ADAMTSL1: variants seen among roughly 807,000 people sequenced by gnomAD.
The protein encoded by ADAMTSL1 is ADAMTS-like protein 1.
ADAMTSL1 carries 126 observed loss-of-function variants against 201.8 expected under a neutral mutation model. The observed-to-expected ratio is 0.62, with a 90% CI of 0.54 to 0.72. The LOEUF (loss-of-function observed/expected upper bound fraction) is 0.72, where lower values mean the gene tolerates loss of function less well. Among genes scored for constraint, ADAMTSL1 ranks in the 30% least tolerant of loss-of-function variants. ADAMTSL1 has a pLI of 0.00. For missense variants in ADAMTSL1, 2,679 were observed against 2,277.8 expected, an observed-to-expected ratio of 1.18 and a Z score of -3.59; for synonymous variants, 1,121 against 903.4, an observed-to-expected ratio of 1.24 and a Z score of -4.32.
intron 2 of ADAMTSL1, among the ~76,000 whole-genome samples, chr9:18,240,696 AG>A (rs1261067711): frequency 1.3e-5 from 2 of 152,212 alleles, no homozygotes; most frequent in African/African-American, 4.8e-5. Context: ...AGTACTCCAG[AG>A]GGAGTACTCC....
intron 2 of ADAMTSL1, among the ~76,000 whole-genome samples, chr9:18,429,396 G>A (rs965824606): frequency 3.9e-5 from 6 of 152,086 alleles, no homozygotes; most frequent in African/African-American, 7.2e-5. Flanking sequence ...AAAATGCTTC[G>A]GAGTCTCTGT....
intron 4 of ADAMTSL1, among the ~76,000 whole-genome samples, chr9:18,613,697 A>T (rs1277600832): frequency 6.6e-6 from 1 of 152,140 alleles, no homozygotes; most frequent in Non-Finnish European, 1.5e-5. Context: ...ACATGAAGAC[A>T]AAAAGGGGAA....
At chr9:18,463,978 C>T (rs768654624) in intron 2 of ADAMTSL1, among the ~76,000 whole-genome samples, 53 of 152,186 alleles carry the variant, frequency 3.5e-4, no homozygotes, top group Non-Finnish European at 6.8e-4. Context: ...TCATTAGACT[C>T]CTATTATGTG....
intron 2 of ADAMTSL1, among the ~76,000 whole-genome samples, chr9:18,224,007 T>C (rs62551346): frequency 0.033 from 4,991 of 152,246 alleles, 178 homozygotes; most frequent in Admixed American, 0.11. Flanking sequence ...CAGAGAAGTA[T>C]AAGTAAAAGC....
chr9:18,248,738 T>TG (rs796794755), intron 2 of ADAMTSL1, among the ~76,000 whole-genome samples: 24 of 152,316 alleles, frequency 1.6e-4, no homozygotes, highest in African/African-American at 5.8e-4. Flanking sequence ...TTGGTCTGTG[T>TG]GCCTTGTCAC....
intron 26 of ADAMTSL1, among the ~76,000 whole-genome samples, chr9:18,893,690 T>C (rs1264217760): frequency 6.6e-6 from 1 of 152,226 alleles, no homozygotes; most frequent in Non-Finnish European, 1.5e-5. Context: ...ACAATCCTGT[T>C]GATGTTTTTC....
At position 18,659,274 on chromosome 9, in the gene ADAMTSL1, G is replaced by A. The variant is rs1448607371; in HGVS notation, c.946+1524G>A. On this transcript the variant is annotated intron_variant, in intron 8 of 28. Transcript: ENST00000380548. Reference sequence around the variant, plus strand: ...TATGATGTAATTCATCTTTACCTATGTTGTTTCTATCTACACAATGTAAAC... The same window carrying A: ...TATGATGTAATTCATCTTTACCTATATTGTTTCTATCTACACAATGTAAAC... Among the ~76,000 whole-genome samples, 5 of 152,072 alleles carry A rather than the reference G, an allele frequency of 3.3e-5. No homozygotes were observed. The South Asian group carries it at 8.3e-4, about 25-fold the overall frequency.
rs145081358 is a variant in ADAMTSL1 at position 18,120,171 on chromosome 9, C to A, written c.88-43691C>A. Among the ~76,000 whole-genome samples the A allele has an allele frequency of 9.7e-4, 147 of 152,266 alleles. 1 individual carries two copies. The East Asian group carries it at 0.02, about 21-fold the overall frequency. ...GAAAACTTGACTGGGCCACAGGATA[C>A]CCTTCCAAGTTCACTCACATGGTCA... On this transcript the variant is annotated intron_variant, in intron 1 of 29. Transcript: ENST00000680146.
At chr9:18,154,156 G>A (rs117832560) in intron 1 of ADAMTSL1, among the ~76,000 whole-genome samples, 14 of 152,100 alleles carry the variant, frequency 9.2e-5, no homozygotes, top group East Asian at 1.9e-4. Context: ...GAAAGCAAAC[G>A]TGGGTTATGA....
At chr9:18,395,578 G>A (rs1260174983) in intron 2 of ADAMTSL1, among the ~76,000 whole-genome samples, 1 of 152,162 alleles carries the variant, frequency 6.6e-6, no homozygotes, top group Non-Finnish European at 1.5e-5. Context: ...AAAATTCAAT[G>A]AATGAATGGT....
chr9:18,889,753 G>T lies in ADAMTSL1; in HGVS notation c.4643+5G>T, dbSNP rs1446282429. The T allele has an allele frequency of 2.0e-6, 3 of 1,483,764 alleles. No individual in the cohort carries two copies. Among genetic ancestry groups the T allele is most frequent in the Non-Finnish European group, 2.7e-6 (3 of 1,119,506 alleles). The allele number at this position is 1,483,764 out of a possible 1,614,324, so 91.9% of individuals were successfully genotyped here. A position where few individuals can be genotyped will look rare whatever the true frequency, so the allele number is the denominator to read the frequency against. ...CCGGAGAGACTGCCCTTCTCGGTGA[G>T]TGCAGCGGACACTGGCTCAGACCTC... is the stretch of plus-strand genomic sequence containing the variant. On this transcript the variant is annotated splice_donor_5th_base_variant and intron_variant, in intron 25 of 28. Coordinates refer to ENST00000380548, the MANE Select transcript of ADAMTSL1 (RefSeq NM_001040272.6).
intron 1 of ADAMTSL1, among the ~76,000 whole-genome samples, chr9:17,951,342 A>G (rs1827721006): frequency 6.6e-6 from 1 of 152,160 alleles, no homozygotes; most frequent in African/African-American, 2.4e-5. Flanking sequence ...CGGAGTGTCC[A>G]TGTAGAAGTG....
At chr9:18,614,892 T>A (rs1027076689) in intron 4 of ADAMTSL1, among the ~76,000 whole-genome samples, 2 of 152,166 alleles carry the variant, frequency 1.3e-5, no homozygotes, top group African/African-American at 4.8e-5. Context: ...CCCTTTATTT[T>A]TTTTTTCCTA....
intron 1 of ADAMTSL1, among the ~76,000 whole-genome samples, chr9:18,094,064 C>T (rs925961264): frequency 3.9e-5 from 6 of 152,130 alleles, no homozygotes; most frequent in African/African-American, 1.4e-4. Context: ...GACCAGTTTT[C>T]GTTGAGTAAT....
intron 14 of ADAMTSL1, among the ~76,000 whole-genome samples, chr9:18,712,009 T>C (rs1396027041): frequency 3.9e-5 from 6 of 152,018 alleles, no homozygotes; most frequent in Admixed American, 3.3e-4. Context: ...CACGGCCGGG[T>C]ACTCCAACAG....
intron 13 of ADAMTSL1, among the ~76,000 whole-genome samples, chr9:18,685,924 ATT>A (rs571372281): frequency 4.8e-5 from 7 of 145,254 alleles, no homozygotes; most frequent in African/African-American, 1.5e-4. Flanking sequence ...TTTTTTCCCT[ATT>A]TTTTTTTTTT....
intron 1 of ADAMTSL1, among the ~76,000 whole-genome samples, chr9:18,101,707 C>T (rs759456167): frequency 1.4e-4 from 21 of 151,902 alleles, no homozygotes; most frequent in Non-Finnish European, 2.9e-4. Flanking sequence ...GATAAGGCAC[C>T]GTAGATAATT....
At chr9:18,434,191 T>G (rs1199603230) in intron 2 of ADAMTSL1, among the ~76,000 whole-genome samples, 1 of 152,190 alleles carries the variant, frequency 6.6e-6, no homozygotes, top group Non-Finnish European at 1.5e-5. Flanking sequence ...TAGAAGTTTT[T>G]AAAATTATCT....
rs771168404 is a variant in ADAMTSL1 at position 18,707,038 on chromosome 9, C to T, written c.1866C>T (p.Ser622=). ...EYEGFTKCSE[S]CGGGVQEAVV... ...AGGGGTTCACCAAGTGCTCCGAGTC[C>T]TGTGGAGGAGGTAAGAAAGGGGGCT... Residue 622 remains serine, a synonymous_variant, in exon 14 of 29, where the codon TCC becomes TCT. Transcript: ENST00000380548. 3 of 1,612,506 alleles carry T rather than the reference C, an allele frequency of 1.9e-6. No homozygotes were observed. In the South Asian group the frequency reaches 3.3e-5, roughly 18 times the overall value.
Sources: gnomAD v4.1 joint callset for allele counts (sites outside exome capture counted in the v4.1 genomes callset) on GRCh38, gnomAD v4.1.1 for gene constraint, MANE v1.5 for transcripts, NCBI Gene and HGNC (gene_info 2026-07-23, HGNC 2026-07-21) for gene names.